MEMO1: variants seen among roughly 807,000 people sequenced by gnomAD.
MEMO1 encodes mediator of cell motility 1, also known as protein MEMO1.
A neutral mutation model predicts 45.2 loss-of-function variants in MEMO1; 6 were observed. The ratio of observed to expected loss-of-function variants is 0.13; its 90% CI spans 0.07 to 0.26. The LOEUF (loss-of-function observed/expected upper bound fraction) is 0.26. Ranked by LOEUF, MEMO1 falls within the 10% of genes least tolerant of loss-of-function variation. The pLI, the probability that MEMO1 is intolerant of heterozygous loss-of-function variation, is 1.00. For synonymous variants in MEMO1, 78 were observed against 124.3 expected (o/e 0.63, Z 2.48); for missense variants, 184 against 370.5 (o/e 0.50, Z 4.13).
chr2:31,988,100 T>C (rs1478411543), intron 2 of MEMO1, among the ~76,000 whole-genome samples: 1 of 152,184 alleles, frequency 6.6e-6, no homozygotes, highest in African/African-American at 2.4e-5. Context: ...TTTCTTTTTT[T>C]CTTTTTCAAC....
At chr2:31,926,024 A>G (rs1572701832) in intron 4 of MEMO1, among the ~76,000 whole-genome samples, 1 of 152,194 alleles carries the variant, frequency 6.6e-6, no homozygotes, top group African/African-American at 2.4e-5. Context: ...AGACAACTGT[A>G]GATAAATTAC....
At chr2:31,872,673 A>T (rs1470666683) in intron 8 of MEMO1, among the ~76,000 whole-genome samples, 1 of 152,198 alleles carries the variant, frequency 6.6e-6, no homozygotes, top group Non-Finnish European at 1.5e-5. Context: ...CAAGACAGAA[A>T]ATAAAAAATT....
intron 8 of MEMO1, among the ~76,000 whole-genome samples, chr2:31,876,041 C>T (rs1398920256): frequency 6.6e-6 from 1 of 152,164 alleles, no homozygotes; most frequent in East Asian, 1.9e-4. Context: ...ACAACTACCA[C>T]AGTGACCTTA....
chr2:31,965,643 A>C (rs1668530855), intron 2 of MEMO1, among the ~76,000 whole-genome samples: 1 of 152,214 alleles, frequency 6.6e-6, no homozygotes, highest in African/African-American at 2.4e-5. Context: ...AATGAGGATA[A>C]AAAGGAATGA....
chr2:31,933,342 A>T lies in MEMO1; in HGVS notation c.144-1207T>A, dbSNP rs1469830952. On this transcript the variant is annotated intron_variant, in intron 3 of 9. Transcript: ENST00000404530. ...TAAAAAAAAAAAAAAAAAAAAAAAA[A>T]AAAAAAATTTATATATATATATATA... is the stretch of plus-strand genomic sequence containing the variant. Among the ~76,000 whole-genome samples, 305 of 47,258 alleles carry T rather than the reference A, an allele frequency of 6.5e-3. 7 individuals are homozygous for T. Among genetic ancestry groups the T allele is most frequent in the African/African-American group, 0.027 (296 of 10,890 alleles). The allele number at this position is 47,258 out of a possible 152,430, so 31.0% of individuals were successfully genotyped here.
chr2:31,980,395 T>C (rs970966130), intron 2 of MEMO1, among the ~76,000 whole-genome samples: 3 of 152,176 alleles, frequency 2.0e-5, no homozygotes, highest in African/African-American at 7.2e-5. Context: ...ATCACACCAC[T>C]GCACTGCAGC....
intron 2 of MEMO1, among the ~76,000 whole-genome samples, chr2:31,963,590 C>T (rs1276478318): frequency 2.6e-5 from 4 of 152,000 alleles, no homozygotes; most frequent in Non-Finnish European, 4.4e-5. Context: ...ACCAAATAGT[C>T]AAGGTTGGGA....
chr2:32,000,366 G>A (rs370919798), intron 2 of MEMO1, among the ~76,000 whole-genome samples: 2 of 152,132 alleles, frequency 1.3e-5, no homozygotes, highest in South Asian at 2.1e-4. Context: ...AAGTAGCTGG[G>A]ACTACAGGAA....
At chr2:31,950,716 A>C (rs1572784007) in intron 2 of MEMO1, among the ~76,000 whole-genome samples, 1 of 150,742 alleles carries the variant, frequency 6.6e-6, no homozygotes, top group Admixed American at 6.6e-5. Flanking sequence ...GTGAGACTCC[A>C]TCTCAAAAAA....
chr2:31,919,966 G>A (rs1475891041), intron 5 of MEMO1, among the ~76,000 whole-genome samples: 1 of 151,668 alleles, frequency 6.6e-6, no homozygotes, highest in Admixed American at 6.6e-5. Flanking sequence ...GTGTGTGTGT[G>A]TGTGTGTGTG....
rs875168 is a variant in MEMO1 at position 32,009,721 on chromosome 2, C to T, written c.61+466G>A. On this transcript the variant is annotated intron_variant, in intron 2 of 9. Transcript: ENST00000404530. ...AGACGGGAGAGGAAAGGAAAGGGTC[C>T]CTGGCTCGGCAAGAGGGCGGAGGGT... is the stretch of plus-strand genomic sequence containing the variant. Among the ~76,000 whole-genome samples, 1,522 of 152,250 alleles carry T rather than the reference C, an allele frequency of 1.0e-2. 11 individuals are homozygous for T. Among genetic ancestry groups the T allele is most frequent in the Non-Finnish European group, 0.015 (1,041 of 68,020 alleles).
At chr2:31,997,797 G>A (rs565099779) in intron 2 of MEMO1, among the ~76,000 whole-genome samples, 1 of 152,274 alleles carries the variant, frequency 6.6e-6, no homozygotes, top group South Asian at 2.1e-4. Flanking sequence ...GGGGAGGGGA[G>A]ATTAAGAAAA....
chr2:31,972,509 T>C (rs896901148), intron 2 of MEMO1, among the ~76,000 whole-genome samples: 2 of 151,782 alleles, frequency 1.3e-5, no homozygotes, highest in Non-Finnish European at 2.9e-5. Context: ...TCAGGAGTTC[T>C]AGACCAGCCT....
rs558984645 is a variant in MEMO1, at chr2:31,887,930, T to G, written c.580+4062A>C. Among the ~76,000 whole-genome samples the G allele has an allele frequency of 2.0e-5, 3 of 152,280 alleles. No homozygotes were observed. In the South Asian group the frequency reaches 6.2e-4, roughly 32 times the overall value. On this transcript the variant is annotated intron_variant, in intron 7 of 9. Coordinates refer to ENST00000404530, the MANE Select transcript of MEMO1 (RefSeq NM_001301833.4). Reference sequence around the variant, plus strand: ...TACAGTAAAGAAGAAATCTGAATGTTATCAATTTCATAAATATTTAGGGGA... The same window carrying G: ...TACAGTAAAGAAGAAATCTGAATGTGATCAATTTCATAAATATTTAGGGGA...
intron 2 of MEMO1, among the ~76,000 whole-genome samples, chr2:32,003,560 T>C (rs966699758): frequency 2.0e-5 from 3 of 152,212 alleles, no homozygotes; most frequent in Non-Finnish European, 4.4e-5. Flanking sequence ...TTTAATGTAA[T>C]GTCCTGCTAC....
intron 6 of MEMO1, among the ~76,000 whole-genome samples, chr2:31,914,856 C>G (rs759131044): frequency 6.6e-6 from 1 of 151,024 alleles, no homozygotes; most frequent in Non-Finnish European, 1.5e-5. Context: ...ACTCTGAAAG[C>G]TGAGGTAGGA....
chr2:31,924,783 G>GT (rs1424925091), intron 4 of MEMO1, among the ~76,000 whole-genome samples: 1 of 152,146 alleles, frequency 6.6e-6, no homozygotes. Context: ...TGAAAAATAT[G>GT]TATCAAAATC....
At chr2:31,914,756 T>C (rs1681164824) in intron 6 of MEMO1, among the ~76,000 whole-genome samples, 1 of 150,496 alleles carries the variant, frequency 6.6e-6, no homozygotes, top group African/African-American at 2.5e-5. Context: ...GAGGTCAAGA[T>C]CAGCCTGAGG....
At chr2:31,996,346 G>A (rs1167977305) in intron 2 of MEMO1, among the ~76,000 whole-genome samples, 2 of 151,922 alleles carry the variant, frequency 1.3e-5, no homozygotes, top group Non-Finnish European at 2.9e-5. Flanking sequence ...TCAGAAGTTC[G>A]AGACAAACCT....
Sources: gnomAD v4.1 joint callset for allele counts (sites outside exome capture counted in the v4.1 genomes callset) on GRCh38, gnomAD v4.1.1 for gene constraint, MANE v1.5 for transcripts, NCBI Gene and HGNC (gene_info 2026-07-23, HGNC 2026-07-21) for gene names.